Variants in PTCSC3 observed in about 807,000 individuals in gnomAD.
PTCSC3 encodes the protein papillary thyroid carcinoma susceptibility candidate 3 (non-protein coding).
At chr14:36,138,185 A>AC (rs1033757994) in intron 3 of PTCSC3, among the ~76,000 whole-genome samples, 1 of 151,520 alleles carries the variant, frequency 6.6e-6, no homozygotes, top group Non-Finnish European at 1.5e-5. Flanking sequence ...GTGGGGGAAA[A>AC]ATGAATCTTA....
intron 1 of PTCSC3, among the ~76,000 whole-genome samples, chr14:36,173,403 G>A (rs763900880): frequency 1.3e-5 from 2 of 152,034 alleles, no homozygotes; most frequent in African/African-American, 2.4e-5. Flanking sequence ...AAAGTAGCTC[G>A]GAGCTCTGAG....
intron 1 of PTCSC3, among the ~76,000 whole-genome samples, chr14:36,170,137 T>C (rs1882165822): frequency 6.6e-6 from 1 of 152,142 alleles, no homozygotes; most frequent in Admixed American, 6.5e-5. Flanking sequence ...TGGAAATGTG[T>C]ACCTATGTTC....
At chr14:36,172,796 T>C (rs1451965987) in intron 1 of PTCSC3, among the ~76,000 whole-genome samples, 1 of 152,134 alleles carries the variant, frequency 6.6e-6, no homozygotes, top group African/African-American at 2.4e-5. Context: ...TAACTTAGGA[T>C]TTCTGTCAAT....
chr14:36,138,014 A>G (rs754251820), intron 3 of PTCSC3, among the ~76,000 whole-genome samples: 2 of 152,138 alleles, frequency 1.3e-5, no homozygotes, highest in African/African-American at 2.4e-5. Flanking sequence ...TTAAGTGTGA[A>G]CCCTGGATCA....
At chr14:36,152,301 C>G (rs544709988) in intron 3 of PTCSC3, among the ~76,000 whole-genome samples, 4 of 151,556 alleles carry the variant, frequency 2.6e-5, no homozygotes, top group African/African-American at 7.3e-5. Flanking sequence ...CAAAAGACAT[C>G]AAGAAAAGCC....
chr14:36,168,360 AATAT>A (rs147400390), intron 1 of PTCSC3, among the ~76,000 whole-genome samples: 3,899 of 113,714 alleles, frequency 0.034, 64 homozygotes, highest in Admixed American at 0.042. Context: ...ATTGATTCTG[AATAT>A]ATATATATAT....
intron 3 of PTCSC3, among the ~76,000 whole-genome samples, chr14:36,149,209 A>AT (rs1566505279): frequency 6.6e-6 from 1 of 151,906 alleles, no homozygotes; most frequent in African/African-American, 2.4e-5. Flanking sequence ...ATTTTCATTT[A>AT]TTTTTTAATT....
At chr14:36,170,450 C>A (rs80247407) in intron 1 of PTCSC3, among the ~76,000 whole-genome samples, 1 of 152,120 alleles carries the variant, frequency 6.6e-6, no homozygotes, top group Non-Finnish European at 1.5e-5. Context: ...CTTAAATATA[C>A]CCTACTCCTA....
chr14:36,136,173 T>G (rs961057371), exon 4 of PTCSC3: 1 of 152,226 alleles, frequency 6.6e-6, no homozygotes, highest in Non-Finnish European at 1.5e-5. Context: ...GGCAGCTGAT[T>G]AGATGGTGCC....
At chr14:36,166,696 T>C (rs940791826) in intron 1 of PTCSC3, among the ~76,000 whole-genome samples, 1 of 152,230 alleles carries the variant, frequency 6.6e-6, no homozygotes. Context: ...GTCATATTCA[T>C]GTGTCAGGCA....
At chr14:36,174,276 C>G (rs746065384) in intron 1 of PTCSC3, among the ~76,000 whole-genome samples, 15 of 152,128 alleles carry the variant, frequency 9.9e-5, no homozygotes, top group Admixed American at 3.9e-4. Flanking sequence ...TCTCTCTACT[C>G]TCCAGATTCA....
chr14:36,154,674 C>T (rs1366396329), intron 2 of PTCSC3, among the ~76,000 whole-genome samples: 1 of 151,906 alleles, frequency 6.6e-6, no homozygotes, highest in Non-Finnish European at 1.5e-5. Context: ...GGAGGTGGTG[C>T]ATTATGTTGA....
At chr14:36,149,828 T>C (rs1881682639) in intron 3 of PTCSC3, among the ~76,000 whole-genome samples, 4 of 152,214 alleles carry the variant, frequency 2.6e-5, no homozygotes, top group Admixed American at 2.6e-4. Context: ...ATCCCTTTAC[T>C]TTTAATCTGC....
chr14:36,168,282 A>T (rs1344174775), intron 1 of PTCSC3, among the ~76,000 whole-genome samples: 3 of 150,524 alleles, frequency 2.0e-5, no homozygotes, highest in African/African-American at 7.4e-5. Context: ...TACCTAAACA[A>T]CACCCTCTCG....
At chr14:36,170,828 G>A (rs2139113593) in intron 1 of PTCSC3, among the ~76,000 whole-genome samples, 1 of 152,224 alleles carries the variant, frequency 6.6e-6, no homozygotes, top group East Asian at 1.9e-4. Context: ...GTGGTTTTGA[G>A]TGTCCCAGAC....
chr14:36,160,164 T>C (rs1881923555), intron 2 of PTCSC3, among the ~76,000 whole-genome samples: 1 of 152,194 alleles, frequency 6.6e-6, no homozygotes, highest in Admixed American at 6.5e-5. Flanking sequence ...CACTGATGGG[T>C]CTTGACTCTT....
At chr14:36,159,872 G>C (rs904385707) in intron 2 of PTCSC3, among the ~76,000 whole-genome samples, 1 of 152,110 alleles carries the variant, frequency 6.6e-6, no homozygotes, top group African/African-American at 2.4e-5. Flanking sequence ...TCTCTTTGTA[G>C]GTCTCTAAGG....
chr14:36,168,368 TATATATATATATA>T (rs1882134327), intron 1 of PTCSC3, among the ~76,000 whole-genome samples: 1 of 35,448 alleles, frequency 2.8e-5, no homozygotes, highest in Non-Finnish European at 1.0e-4. Context: ...TGAATATATA[TATATATATATATA>T]TATATATATA....
At chr14:36,146,486 C>G (rs1330783071) in intron 3 of PTCSC3, among the ~76,000 whole-genome samples, 2 of 151,312 alleles carry the variant, frequency 1.3e-5, no homozygotes, top group Non-Finnish European at 2.9e-5. Context: ...GATTGCAACC[C>G]CTGCCTTTTT....
Sources: allele counts gnomAD v4.1 joint callset (sites outside exome capture counted in the v4.1 genomes callset), GRCh38; gene constraint gnomAD v4.1.1; transcripts MANE v1.5; gene names NCBI Gene and HGNC (gene_info 2026-07-23, HGNC 2026-07-21).